NCKIPSD: variants seen among roughly 807,000 people sequenced by gnomAD.
The protein encoded by NCKIPSD is NCK-interacting protein with SH3 domain.
NCKIPSD carries 48 observed loss-of-function variants against 73.4 expected under a neutral mutation model. The ratio of observed to expected loss-of-function variants is 0.65; its 90% confidence interval spans 0.52 to 0.83. The LOEUF is 0.83. Ranked by LOEUF, NCKIPSD falls within the 40% of genes least tolerant of loss-of-function variation. The pLI, the probability that NCKIPSD is intolerant of heterozygous loss-of-function variation, is 0.00. For missense variants in NCKIPSD, 884 were observed against 970.2 expected, an observed-to-expected ratio of 0.91 and a Z score of 1.18; for synonymous variants, 422 against 403.6, an observed-to-expected ratio of 1.05 and a Z score of -0.54.
Position 48,681,325 on chromosome 3 carries a change from C to G in NCKIPSD, c.1054G>C (p.Val352Leu), listed in dbSNP as rs2077349242. ...IQASVPASSP[V>L]MEQVLLSLVE... ...AGTGAGAGGAGGACCTGCTCCATGA[C>G]TGGTGAGCTGGCCGGCACCGAGGCC... The change falls in exon 5 of 13, where the codon GTC (valine) becomes CTC (leucine). Residue 352 changes from valine (V) to leucine (L), a missense_variant. By Grantham distance (32) the Val-to-Leu change is conservative. Coordinates refer to ENST00000294129, the MANE Select transcript of NCKIPSD (RefSeq NM_016453.4). 3.1e-6 allele frequency: 5 copies of G among 1,609,664 alleles called. No homozygotes were observed. Among genetic ancestry groups the G allele is most frequent in the Non-Finnish European group, 4.2e-6 (5 of 1,178,996 alleles).
chr3:48,675,832 C>G (rs2077250056), intron 12 of NCKIPSD, among the ~76,000 whole-genome samples: 2 of 152,172 alleles, frequency 1.3e-5, no homozygotes, highest in Admixed American at 1.3e-4. Context: ...AGGCGTGAAC[C>G]ACCACGCCCG....
intron 6 of NCKIPSD, 47 bp downstream of exon 6, chr3:48,680,012 G>A (rs1286102097): frequency 1.2e-6 from 2 of 1,602,494 alleles, no homozygotes; most frequent in African/African-American, 1.3e-5. Flanking sequence ...ACAGGGTGGG[G>A]GCCACTGTTC....
rs145083996 is a variant in NCKIPSD, at chr3:48,679,630, A to G, written c.1434T>C (p.Leu478=). The change falls in exon 8 of 13, where the codon CTT becomes CTC. Residue 478 remains leucine, a synonymous_variant. Transcript: ENST00000294129. ...GCTCTACAGGCAGCACGGATGACAC[A>G]AGCGTGGAGATGATGGCTGCATCCA... The part of the protein sequence containing the change: ...CSLDAAIIST[L]VSSVLPVELA... 7 of 1,614,160 alleles carry G rather than the reference A, an allele frequency of 4.3e-6. No homozygotes were observed. In the East Asian group the frequency reaches 1.6e-4, roughly 36 times the overall value.
At position 48,678,697 on chromosome 3, in the gene NCKIPSD, G is replaced by C. The variant is rs142413952; in HGVS notation, c.1832C>G (p.Pro611Arg). The change falls in exon 12 of 13, where the codon CCA becomes CGA. Residue 611 changes from proline (P) to arginine (R), a missense_variant. Transcript: ENST00000294129. ...VRIFKHEPQP[P>R]HSVLKFLQDV... is the part of the protein sequence containing the mutation. Reference sequence around the variant, plus strand: ...CTGCAGGAACTTGAGGACAGAGTGTGGTGGCTGTGGCTCATGTTTGAAGAT... The same window carrying C: ...CTGCAGGAACTTGAGGACAGAGTGTCGTGGCTGTGGCTCATGTTTGAAGAT... 2.5e-5 allele frequency: 41 copies of C among 1,614,020 alleles called. No homozygotes were observed. The African/African-American group carries it at 4.4e-4, about 17-fold the overall frequency.
At chr3:48,683,880 G>C (rs1351899333) in intron 1 of NCKIPSD, among the ~76,000 whole-genome samples, 1 of 151,992 alleles carries the variant, frequency 6.6e-6, no homozygotes, top group Non-Finnish European at 1.5e-5. Context: ...TTCCCTGATG[G>C]GCACAGACAG....
chr3:48,676,405 A>G (rs1323204749), intron 12 of NCKIPSD, among the ~76,000 whole-genome samples: 1 of 151,870 alleles, frequency 6.6e-6, no homozygotes, highest in Non-Finnish European at 1.5e-5. Flanking sequence ...CACCATCTCC[A>G]ACACATCATC....
chr3:48,679,177 A>G lies in NCKIPSD; in HGVS notation c.1577T>C (p.Leu526Pro), dbSNP rs1156637007. The G allele has an allele frequency of 1.2e-6, 2 of 1,614,016 alleles. No homozygotes were observed. Among genetic ancestry groups the G allele is most frequent in the East Asian group, 2.2e-5 (1 of 44,868 alleles). ...EAVPYAHYEH[L>P]GTPFAQFLLN... ...TAGGAACTGGGCGAAAGGCGTGCCC[A>G]GGTGCTCTGGGAGAGGGGCGCACAG... Residue 526 changes from leucine to proline, a missense_variant, in exon 10 of 13, where the codon CTG becomes CCG. By Grantham distance (98) the Leu-to-Pro change is moderately conservative. Coordinates refer to ENST00000294129, the MANE Select transcript of NCKIPSD (RefSeq NM_016453.4).
intron 5 of NCKIPSD, 38 bp downstream of exon 5, chr3:48,681,249 G>A (rs1285974585): frequency 1.3e-6 from 2 of 1,535,888 alleles, no homozygotes; most frequent in Admixed American, 4.0e-5. Context: ...GGAACAGGGT[G>A]GGTAGCAGGG....
At chr3:48,677,749 TTCCTGGG>T (rs1435375306) in intron 12 of NCKIPSD, among the ~76,000 whole-genome samples, 1 of 152,212 alleles carries the variant, frequency 6.6e-6, no homozygotes, top group Admixed American at 6.5e-5. Flanking sequence ...CTTGGTTCTC[TTCCTGGG>T]TTTCTCCCTA....
intron 5 of NCKIPSD, 106 bp from the exon 6 acceptor site, chr3:48,680,335 C>T: frequency 1.6e-6 from 2 of 1,273,296 alleles, no homozygotes; most frequent in Non-Finnish European, 2.1e-6. Flanking sequence ...ACTCCATGAA[C>T]TCAAGTCCCT....
At chr3:48,679,913 T>C (rs2077321081) in intron 6 of NCKIPSD, 26 bp from the exon 7 acceptor site, 3 of 1,614,016 alleles carry the variant, frequency 1.9e-6, no homozygotes, top group Non-Finnish European at 2.5e-6. Flanking sequence ...AGTGAGAGCA[T>C]CAGCCACCAT....
intron 1 of NCKIPSD, among the ~76,000 whole-genome samples, chr3:48,683,841 GA>G (rs1273958448): frequency 6.6e-6 from 1 of 152,122 alleles, no homozygotes. Flanking sequence ...GAGCTGAGAT[GA>G]ACTCATTCCA....
In NCKIPSD at chr3:48,674,354, A is replaced by T; in HGVS notation, c.*190T>A. ...TTGCATATTCCCCCTGCCCCAGAACAGCTCCCAGACCATGGTCCCCAATCC... is the reference window on the plus strand; with the variant it reads ...TTGCATATTCCCCCTGCCCCAGAACTGCTCCCAGACCATGGTCCCCAATCC... On this transcript the variant is annotated 3_prime_UTR_variant, in exon 13 of 13. Coordinates refer to ENST00000294129, the MANE Select transcript of NCKIPSD (RefSeq NM_016453.4). 4 of 1,433,182 alleles carry T rather than the reference A, an allele frequency of 2.8e-6. No individual in the cohort carries two copies. Among genetic ancestry groups the T allele is most frequent in the Non-Finnish European group, 3.6e-6 (4 of 1,096,894 alleles). The allele number at this position is 1,433,182 out of a possible 1,614,324, so 88.8% of individuals were successfully genotyped here.
chr3:48,679,849 C>T lies in NCKIPSD; in HGVS notation c.1302G>A (p.Lys434=). 6.2e-7 allele frequency: 1 copy of T among 1,614,248 alleles called. No individual in the cohort carries two copies. The highest frequency in any genetic ancestry group is 8.5e-7 in the Non-Finnish European group (1 of 1,180,044). ...ADPEVCKKMC[K]RNEFESVLAL... ...CCAGGACAGACTCGAACTCGTTTCTCTTGCACATTTTCTTGCAAACTTCAG... is the reference window on the plus strand; with the variant it reads ...CCAGGACAGACTCGAACTCGTTTCTTTTGCACATTTTCTTGCAAACTTCAG... Residue 434 remains lysine, a synonymous_variant, in exon 7 of 13, where the codon AAG becomes AAA. Coordinates refer to ENST00000294129, the MANE Select transcript of NCKIPSD (RefSeq NM_016453.4).
intron 6 of NCKIPSD, 69 bp from the exon 7 acceptor site, chr3:48,679,956 T>C: frequency 6.2e-7 from 1 of 1,612,182 alleles, no homozygotes; most frequent in Admixed American, 1.7e-5. Context: ...AAGAGAGGGC[T>C]GAGCACATAT....
intron 12 of NCKIPSD, among the ~76,000 whole-genome samples, chr3:48,677,422 A>C (rs191531455): frequency 4.1e-4 from 63 of 151,940 alleles, no homozygotes; most frequent in Middle Eastern, 3.4e-3. Flanking sequence ...CCCCAAAAAA[A>C]CACTCTCCCT....
At chr3:48,680,346 C>T (rs2077330947) in intron 5 of NCKIPSD, 117 bp from the exon 6 acceptor site, 9 of 1,186,326 alleles carry the variant, frequency 7.6e-6, no homozygotes, top group South Asian at 3.3e-5. Flanking sequence ...TCAAGTCCCT[C>T]CTGGCCCACA....
chr3:48,678,958 T>C lies in NCKIPSD; in HGVS notation c.1711A>G (p.Asn571Asp). The change falls in exon 11 of 13, where the codon AAT (asparagine) becomes GAT (aspartate). Residue 571 changes from asparagine to aspartate, a missense_variant. Coordinates refer to ENST00000294129, the MANE Select transcript of NCKIPSD (RefSeq NM_016453.4). The part of the protein sequence containing the change: ...LNLHLPAADQ[N>D]VIMAALSKHA... ...TTGCTCAGGGCAGCCATGATGACAT[T>C]CTGGTCAGCAGCTAAGGAAGGACAT... The C allele has an allele frequency of 6.2e-7, 1 of 1,614,040 alleles. No individual in the cohort carries two copies. Among genetic ancestry groups the C allele is most frequent in the Non-Finnish European group, 8.5e-7 (1 of 1,180,002 alleles).
rs549912186 is a variant in NCKIPSD, at chr3:48,679,205, G to A, written c.1571-22C>T. On this transcript the variant is annotated intron_variant, in intron 9 of 12. Transcript: ENST00000294129. Reference sequence around the variant, plus strand: ...TGCTCTGGGAGAGGGGCGCACAGAAGTCTGCAGCCCCATTCCCCTCCGACC... The same window carrying A: ...TGCTCTGGGAGAGGGGCGCACAGAAATCTGCAGCCCCATTCCCCTCCGACC... 47 of 1,613,096 alleles carry A rather than the reference G, an allele frequency of 2.9e-5. No individual in the cohort carries two copies. The South Asian group carries it at 4.5e-4, about 15-fold the overall frequency.
Sources: allele counts gnomAD v4.1 joint callset (sites outside exome capture counted in the v4.1 genomes callset), GRCh38; gene constraint gnomAD v4.1.1; transcripts MANE v1.5; gene names NCBI Gene and HGNC (gene_info 2026-07-23, HGNC 2026-07-21).